Variants in MYRF observed in about 807,000 individuals in gnomAD.
The protein encoded by MYRF is myelin gene regulatory factor.
MYRF carries 16 observed loss-of-function variants against 126.3 expected under a neutral mutation model. The observed-to-expected ratio is 0.13, with a 90% CI of 0.09 to 0.19. MYRF has a LOEUF of 0.19. MYRF is among the 10% of genes least tolerant of loss of function. The probability of loss-of-function intolerance (pLI) is 1.00; values close to 1 mark genes in which losing one functional copy is unlikely to be tolerated. For synonymous variants in MYRF, 608 were observed against 635.3 expected (o/e 0.96, Z 0.65); for missense variants, 1,104 against 1,547.0 (o/e 0.71, Z 4.80).
At chr11:61,775,936 TG>T in intron 8 of MYRF, 119 bp from the exon 9 acceptor site, 1 of 889,560 alleles carries the variant, frequency 1.1e-6, no homozygotes, top group Non-Finnish European at 1.8e-6. Flanking sequence ...GGCTGAGGGC[TG>T]GGTGCTGCCC....
chr11:61,767,402 C>G (rs966267712), intron 3 of MYRF: 2 of 456,470 alleles, frequency 4.4e-6, no homozygotes, highest in Non-Finnish European at 4.4e-6. Context: ...CCACTGCTAC[C>G]GTCAGGATTT....
At chr11:61,753,597 C>A (rs79749876) in intron 1 of MYRF, among the ~76,000 whole-genome samples, 1,675 of 152,084 alleles carry the variant, frequency 0.011, 34 homozygotes, top group African/African-American at 0.038. Context: ...CTATGTCCCC[C>A]CAACCCTGGA....
At position 61,778,377 on chromosome 11, in the gene MYRF, C is replaced by T. The variant is rs1221276401; in HGVS notation, c.1904-3C>T. The T allele has an allele frequency of 1.2e-6, 2 of 1,609,924 alleles. No individual in the cohort carries two copies. Among genetic ancestry groups the T allele is most frequent in the African/African-American group, 1.3e-5 (1 of 74,848 alleles). Reference sequence around the variant, plus strand: ...CCATCTTTGGCTTGTCCCCTGCCCCCAGGTGTCATCGCTCAGGAGGTGAAG... The same window carrying T: ...CCATCTTTGGCTTGTCCCCTGCCCCTAGGTGTCATCGCTCAGGAGGTGAAG... On this transcript the variant is annotated splice_polypyrimidine_tract_variant and splice_region_variant and intron_variant, in intron 13 of 26. Transcript: ENST00000278836. The surrounding 1 kb of genome is among the most constrained non-coding windows in gnomAD (Gnocchi z 4.6).
Position 61,770,340 on chromosome 11 carries a change from G to GC in MYRF, c.557dup (p.Gly187ArgfsTer41). On this transcript the variant is annotated frameshift_variant, in exon 5 of 27. Transcript: ENST00000278836. LOFTEE classifies it high-confidence loss of function. ...ATCCGCCCCCACCTCCAGCCCACTT[G>GC]CCAGGCCCCCCGCCACCCCCACCAC... is the stretch of plus-strand genomic sequence containing the variant. 2.1e-6 allele frequency: 3 copies of GC among 1,442,030 alleles called. No individual in the cohort carries two copies. Among genetic ancestry groups the GC allele is most frequent in the South Asian group, 1.2e-5 (1 of 80,786 alleles). 89.3% of individuals were successfully genotyped at this position (1,442,030 alleles called of 1,614,324 possible).
intron 1 of MYRF, chr11:61,755,540 T>G: frequency 7.0e-7 from 1 of 1,434,876 alleles, no homozygotes; most frequent in Non-Finnish European, 9.7e-7. Flanking sequence ...CTCAGAGTTC[T>G]GGTGCAGGCT....
chr11:61,764,836 G>A (rs1347845756), intron 1 of MYRF, among the ~76,000 whole-genome samples: 7 of 152,224 alleles, frequency 4.6e-5, no homozygotes, highest in African/African-American at 1.4e-4. Context: ...AGGAGAGGGC[G>A]GCAGGCAGAG....
At chr11:61,774,289 C>T in intron 8 of MYRF, 127 bp downstream of exon 8, 2 of 842,906 alleles carry the variant, frequency 2.4e-6, no homozygotes, top group South Asian at 3.7e-5. Flanking sequence ...CTTTGGGAGT[C>T]AGGCAGATCA....
Position 61,776,169 on chromosome 11 carries a change from G to A in MYRF, c.1388+37G>A, listed in dbSNP as rs2066376462. ...ACCCTGTTGGGGGTGGTACCTAGAAGGGTCCACAACTAAAGCTGGCTTGGG... is the reference window on the plus strand; with the variant it reads ...ACCCTGTTGGGGGTGGTACCTAGAAAGGTCCACAACTAAAGCTGGCTTGGG... On this transcript the variant is annotated intron_variant, in intron 9 of 26. Coordinates refer to ENST00000278836, the MANE Select transcript of MYRF (RefSeq NM_001127392.3). The surrounding 1 kb of genome is among the most constrained non-coding windows in gnomAD (Gnocchi z 4.3). 1.9e-6 allele frequency: 3 copies of A among 1,611,068 alleles called. No homozygotes were observed. Among genetic ancestry groups the A allele is most frequent in the Admixed American group, 3.3e-5 (2 of 59,982 alleles).
rs1235392126 is a variant in MYRF, at chr11:61,787,292, C to G, written c.*1149C>G. The G allele has an allele frequency of 6.6e-6, 1 of 152,356 alleles. No homozygotes were observed. The highest frequency in any genetic ancestry group is 1.5e-5 in the Non-Finnish European group (1 of 68,060). The allele number at this position is 152,356 out of a possible 1,614,324, so 9.4% of individuals were successfully genotyped here. A position where few individuals can be genotyped will look rare whatever the true frequency, so the allele number is the denominator to read the frequency against. On this transcript the variant is annotated 3_prime_UTR_variant, in exon 27 of 27. Coordinates refer to ENST00000278836, the MANE Select transcript of MYRF (RefSeq NM_001127392.3). ...CGACACCCATCCCACTCCCAACCAC[C>G]AAGACCCTGGGTTAGGGAAGAAGTT...
chr11:61,772,011 C>T, intron 7 of MYRF, 59 bp downstream of exon 7: 1 of 1,597,060 alleles, frequency 6.3e-7, no homozygotes, highest in East Asian at 2.2e-5. Context: ...GACGCCCCAG[C>T]CCAGGACCCC....
chr11:61,784,740 G>A (rs971758529), intron 25 of MYRF: 1 of 217,152 alleles, frequency 4.6e-6, no homozygotes, highest in Non-Finnish European at 9.3e-6. Flanking sequence ...GCAGGAAGGA[G>A]CCGACCTCAT....
At position 61,771,681 on chromosome 11, in the gene MYRF, G is replaced by A; in HGVS notation, c.922G>A (p.Gly308Ser). Residue 308 changes from glycine (G) to serine (S), a missense_variant, in exon 6 of 27, where the codon GGT becomes AGT. By Grantham distance (56) the Gly-to-Ser change is moderately conservative. This residue lies in a region of MYRF where 87 missense variants were observed against 129.2 expected (regional missense o/e 0.67). Transcript: ENST00000278836. The stretch of plus-strand genomic sequence containing the variant: ...CCAGGGTCCGCTCTCCCCGGGCCCT[G>A]GTTCCTTGCCTCTCAGCATTGCCCG... ...PPQGPLSPGP[G>S]SLPLSIARVQ... The A allele has an allele frequency of 6.2e-7, 1 of 1,613,856 alleles. No individual in the cohort carries two copies. The highest frequency in any genetic ancestry group is 8.5e-7 in the Non-Finnish European group (1 of 1,179,988).
Position 61,786,125 on chromosome 11 carries a change from C to T in MYRF, c.3438C>T (p.Phe1146=), listed in dbSNP as rs1426460808. The T allele has an allele frequency of 6.2e-7, 1 of 1,614,216 alleles. No homozygotes were observed. The highest frequency in any genetic ancestry group is 1.1e-5 in the South Asian group (1 of 91,088). The change falls in exon 27 of 27, where the codon TTC becomes TTT. Residue 1146 remains phenylalanine, a synonymous_variant. Coordinates refer to ENST00000278836, the MANE Select transcript of MYRF (RefSeq NM_001127392.3). The surrounding 1 kb of genome is among the most constrained non-coding windows in gnomAD (Gnocchi z 4.5). ...AQPATDYHFH[F]YRLCD ...CAGCCACAGACTACCACTTCCACTT[C>T]TACCGCCTGTGTGACTGAGCTGCCC...
Position 61,779,911 on chromosome 11 carries a change from G to C in MYRF, c.2317G>C (p.Val773Leu), listed in dbSNP as rs1317320543. ...RFLQGTIIAL[V>L]VVMAFSVVSM... ...CCTGCAGGGAACCATCATTGCCCTG[G>C]TGGTGGTCATGGCCTTCAGGTGACT... Residue 773 changes from valine to leucine, a missense_variant, in exon 17 of 27, where the codon GTG becomes CTG. Physicochemically the swap from Val to Leu is conservative, Grantham distance 32. Transcript: ENST00000278836. 4 of 1,614,016 alleles carry C rather than the reference G, an allele frequency of 2.5e-6. No homozygotes were observed. The highest frequency in any genetic ancestry group is 3.4e-6 in the Non-Finnish European group (4 of 1,179,908).
At chr11:61,771,456 TC>T (rs767070426) in intron 5 of MYRF, 43 bp from the exon 6 acceptor site, 155 of 1,584,158 alleles carry the variant, frequency 9.8e-5, no homozygotes, top group Non-Finnish European at 1.3e-4. Flanking sequence ...TGGGAGGGGC[TC>T]GGGGAGAGCC....
rs911571092 is a variant in MYRF, at chr11:61,784,519, G to T, written c.3300+134G>T. 8.6e-6 allele frequency: 6 copies of T among 694,596 alleles called. No homozygotes were observed. The African/African-American group carries it at 1.1e-4, about 12-fold the overall frequency. 43.0% of individuals were successfully genotyped at this position (694,596 alleles called of 1,614,324 possible). On this transcript the variant is annotated intron_variant, in intron 25 of 26. Coordinates refer to ENST00000278836, the MANE Select transcript of MYRF (RefSeq NM_001127392.3). ...AGCCTTCTCCACAAGGGACACTCTG[G>T]GGCCTGGGCCTCTGTGTCCCAGGGA...
At chr11:61,771,387 G>T in intron 5 of MYRF, 113 bp from the exon 6 acceptor site, 1 of 1,424,344 alleles carries the variant, frequency 7.0e-7, no homozygotes, top group South Asian at 1.4e-5. Context: ...GTGTCCTCTG[G>T]GCGGGGCACA....
Position 61,771,729 on chromosome 11 carries a change from C to T in MYRF, c.970C>T (p.Pro324Ser), listed in dbSNP as rs149009589. The T allele has an allele frequency of 1.8e-5, 29 of 1,612,012 alleles. No homozygotes were observed. Among genetic ancestry groups the T allele is most frequent in the Non-Finnish European group, 2.5e-5 (29 of 1,178,790 alleles). Reference protein sequence around the residue: ...IARVQTPPWHPPGAPSPGLLQ... With the variant: ...IARVQTPPWHSPGAPSPGLLQ... Reference sequence around the variant, plus strand: ...CCGTGTCCAGACACCGCCTTGGCACCCGCCAGGTGCCCCCTCCCCAGGTAC... The same window carrying T: ...CCGTGTCCAGACACCGCCTTGGCACTCGCCAGGTGCCCCCTCCCCAGGTAC... Residue 324 changes from proline (P) to serine (S), a missense_variant, in exon 6 of 27, where the codon CCG becomes TCG. This residue lies in a region of MYRF where 87 missense variants were observed against 129.2 expected (regional missense o/e 0.67). Coordinates refer to ENST00000278836, the MANE Select transcript of MYRF (RefSeq NM_001127392.3).
Position 61,785,882 on chromosome 11 carries a change from G to A in MYRF, c.3375+8G>A, listed in dbSNP as rs200508874. 7.4e-6 allele frequency: 12 copies of A among 1,613,954 alleles called. No individual in the cohort carries two copies. The East Asian group carries it at 2.0e-4, about 27-fold the overall frequency. Reference sequence around the variant, plus strand: ...TTCCGGGTGGCACTGCTGGTGAGCAGGGGCATCCCACCTACCCTGGAGGTC... The same window carrying A: ...TTCCGGGTGGCACTGCTGGTGAGCAAGGGCATCCCACCTACCCTGGAGGTC... On this transcript the variant is annotated splice_region_variant and intron_variant, in intron 26 of 26. Transcript: ENST00000278836.
Sources: allele counts gnomAD v4.1 joint callset (sites outside exome capture counted in the v4.1 genomes callset), GRCh38; gene constraint gnomAD v4.1.1; regional missense constraint gnomAD v4.1.1; non-coding constraint Gnocchi (gnomAD v3.1); transcripts MANE v1.5; gene names NCBI Gene and HGNC (gene_info 2026-07-23, HGNC 2026-07-21).